Variants in AK9 observed in about 807,000 individuals in gnomAD.
The protein encoded by AK9 is adenylate kinase 9, also known as adenylate kinase domain containing 1.
In AK9, 191 loss-of-function variants were observed where a neutral mutation model predicts 239.6. The observed-to-expected ratio is 0.80, with a 90% confidence interval of 0.71 to 0.90. The LOEUF (loss-of-function observed/expected upper bound fraction) is 0.90, where lower values mean the gene tolerates loss of function less well. AK9 is among the 40% of genes least tolerant of loss of function. The probability of loss-of-function intolerance (pLI) is 0.00; values close to 1 mark genes in which losing one functional copy is unlikely to be tolerated. For missense variants in AK9, 1,995 were observed against 2,214.7 expected, an observed-to-expected ratio of 0.90 and a Z score of 1.99; for synonymous variants, 689 against 721.0, an observed-to-expected ratio of 0.96 and a Z score of 0.71.
At chr6:109,667,422 CT>C (rs1801365737) in intron 5 of AK9, among the ~76,000 whole-genome samples, 1 of 151,642 alleles carries the variant, frequency 6.6e-6, no homozygotes, top group Admixed American at 6.6e-5. Flanking sequence ...TTTAATCATA[CT>C]TTAAGTTCTA....
At chr6:109,633,620 A>C (rs1421660703) in intron 10 of AK9, among the ~76,000 whole-genome samples, 1 of 152,186 alleles carries the variant, frequency 6.6e-6, no homozygotes. Context: ...ATATGGTAAA[A>C]TAAGCATAAG....
intron 16 of AK9, among the ~76,000 whole-genome samples, chr6:109,611,032 T>C (rs971773044): frequency 6.6e-6 from 1 of 152,110 alleles, no homozygotes; most frequent in African/African-American, 2.4e-5. Context: ...CATGGCTGAG[T>C]TGGCTCTCAG....
intron 8 of AK9, 49 bp downstream of exon 8, chr6:109,656,707 T>A (rs765941821): frequency 6.6e-7 from 1 of 1,518,756 alleles, no homozygotes; most frequent in Non-Finnish European, 9.0e-7. Context: ...TAACCAGTGA[T>A]GAAACACAAA....
intron 27 of AK9, among the ~76,000 whole-genome samples, chr6:109,538,316 T>A (rs948788269): frequency 3.3e-5 from 5 of 152,242 alleles, no homozygotes; most frequent in African/African-American, 1.2e-4. Context: ...ATATTTAGGA[T>A]AGTTAGCTCT....
intron 9 of AK9, among the ~76,000 whole-genome samples, chr6:109,642,074 T>C (rs1238259762): frequency 6.6e-6 from 1 of 152,186 alleles, no homozygotes; most frequent in Non-Finnish European, 1.5e-5. Context: ...ATTGGAGTTT[T>C]GCTGCCATAA....
intron 24 of AK9, among the ~76,000 whole-genome samples, chr6:109,562,655 G>A (rs764625746): frequency 6.6e-6 from 1 of 152,058 alleles, no homozygotes; most frequent in African/African-American, 2.4e-5. Flanking sequence ...TTTGATGGGG[G>A]GGCCAAAGTT....
chr6:109,657,028 T>G, intron 7 of AK9, 144 bp from the exon 8 acceptor site: 1 of 935,448 alleles, frequency 1.1e-6, no homozygotes, highest in Non-Finnish European at 1.6e-6. Context: ...GGATTTTTAT[T>G]TAAGAGAATG....
chr6:109,651,248 GAAAA>G (rs879464048), intron 8 of AK9, among the ~76,000 whole-genome samples: 1 of 144,462 alleles, frequency 6.9e-6, no homozygotes, highest in Non-Finnish European at 1.5e-5. Context: ...ACAATTAAAA[GAAAA>G]AAAAAAGAAA....
chr6:109,546,775 G>T (rs1783621106), intron 25 of AK9, among the ~76,000 whole-genome samples: 1 of 152,160 alleles, frequency 6.6e-6, no homozygotes, highest in Non-Finnish European at 1.5e-5. Flanking sequence ...TTATATAGCT[G>T]CAGCCTCACA....
chr6:109,570,943 C>G (rs894275726), intron 21 of AK9, among the ~76,000 whole-genome samples: 1 of 152,042 alleles, frequency 6.6e-6, no homozygotes, highest in African/African-American at 2.4e-5. Context: ...ACGAAAAGAA[C>G]AGAAATGAGG....
intron 17 of AK9, among the ~76,000 whole-genome samples, chr6:109,594,722 C>T (rs1790779902): frequency 6.6e-6 from 1 of 152,156 alleles, no homozygotes; most frequent in South Asian, 2.1e-4. Context: ...CTACAACCAA[C>T]TGATCTTTGA....
At chr6:109,547,059 G>A (rs542496615) in intron 25 of AK9, among the ~76,000 whole-genome samples, 16 of 152,202 alleles carry the variant, frequency 1.1e-4, no homozygotes, top group Middle Eastern at 3.4e-3. Flanking sequence ...CAGACTAAGC[G>A]GAAATTACAG....
chr6:109,685,003 T>C (rs925876592), intron 1 of AK9, among the ~76,000 whole-genome samples: 1 of 149,764 alleles, frequency 6.7e-6, no homozygotes, highest in African/African-American at 2.5e-5. Flanking sequence ...TCACTGGTCA[T>C]TGGAGAAACG....
chr6:109,553,486 G>A (rs1207043999), intron 24 of AK9, among the ~76,000 whole-genome samples: 2 of 152,122 alleles, frequency 1.3e-5, no homozygotes, highest in South Asian at 4.1e-4. Context: ...GTTCATTCAT[G>A]ATTTGGCTCT....
At chr6:109,528,198 C>T (rs1382631158) in intron 29 of AK9, 1 of 307,470 alleles carries the variant, frequency 3.3e-6, no homozygotes, top group African/African-American at 2.2e-5. Flanking sequence ...AAGGGGACCA[C>T]TAGGGACTCC....
rs529698397 is a variant in AK9 at position 109,592,433 on chromosome 6, T to C, written c.1843-6361A>G. Among the ~76,000 whole-genome samples the C allele has an allele frequency of 4.0e-5, 6 of 148,200 alleles. No individual in the cohort carries two copies. In the South Asian group the frequency reaches 1.3e-3, roughly 32 times the overall value. The stretch of plus-strand genomic sequence containing the variant: ...TTTCTGGTGAGAAGTCTGTTGTTAG[T>C]CTAATGGGATTTCTTTTTTTTTTTT... On this transcript the variant is annotated intron_variant, in intron 17 of 40. Coordinates refer to ENST00000424296, the MANE Select transcript of AK9 (RefSeq NM_001145128.3).
intron 12 of AK9, among the ~76,000 whole-genome samples, chr6:109,627,495 T>C (rs1795682844): frequency 6.6e-6 from 1 of 152,132 alleles, no homozygotes; most frequent in African/African-American, 2.4e-5. Flanking sequence ...GCACAGTAGG[T>C]TTGTTTATAG....
intron 29 of AK9, among the ~76,000 whole-genome samples, chr6:109,524,950 G>C (rs115671839): frequency 8.0e-4 from 122 of 152,240 alleles, no homozygotes; most frequent in African/African-American, 2.8e-3. Flanking sequence ...ACGAAGCATA[G>C]AGTTATACTT....
Position 109,662,549 on chromosome 6 carries a change from A to G in AK9, c.444+2T>C. 6.6e-7 allele frequency: 1 copy of G among 1,511,106 alleles called. No homozygotes were observed. Among genetic ancestry groups the G allele is most frequent in the Non-Finnish European group, 8.9e-7 (1 of 1,128,806 alleles). The allele number at this position is 1,511,106 out of a possible 1,614,324, so 93.6% of individuals were successfully genotyped here. A position where few individuals can be genotyped will look rare whatever the true frequency, so the allele number is the denominator to read the frequency against. On this transcript the variant is annotated splice_donor_variant, in intron 6 of 40. Transcript: ENST00000424296. LOFTEE classifies it high-confidence loss of function. ...TACTAGCAAAACAATTAATATCCTT[A>G]CCTTTATATTGATTATAACATCAGG...
Sources: gnomAD v4.1 joint callset for allele counts (sites outside exome capture counted in the v4.1 genomes callset) on GRCh38, gnomAD v4.1.1 for gene constraint, MANE v1.5 for transcripts, NCBI Gene and HGNC (gene_info 2026-07-23, HGNC 2026-07-21) for gene names.